The following CADM2 variants were observed in gnomAD, a reference collection of about 807,000 sequenced individuals.
CADM2 encodes immunoglobulin superfamily member 4D.
In CADM2, 12 loss-of-function variants were observed where a neutral mutation model predicts 49.8. The ratio of observed to expected loss-of-function variants is 0.24; its 90% CI spans 0.15 to 0.39. CADM2 has a LOEUF of 0.39. Among genes scored for constraint, CADM2 ranks in the 10% least tolerant of loss-of-function variants. CADM2 has a pLI of 1.00. For synonymous variants in CADM2, 214 were observed against 175.4 expected (o/e 1.22, Z -1.74); for missense variants, 378 against 492.3 (o/e 0.77, Z 2.20).
At chr3:85,206,295 T>A (rs2041631165) in intron 1 of CADM2, among the ~76,000 whole-genome samples, 1 of 145,284 alleles carries the variant, frequency 6.9e-6, no homozygotes, top group Non-Finnish European at 1.5e-5. Flanking sequence ...AATTTAGGTC[T>A]TTTTTTTTTT....
intron 1 of CADM2, among the ~76,000 whole-genome samples, chr3:85,173,871 C>G (rs1370919639): frequency 6.6e-6 from 1 of 152,068 alleles, no homozygotes; most frequent in Non-Finnish European, 1.5e-5. Context: ...ATGTCTAAAT[C>G]TATAGATAAA....
chr3:85,675,920 A>T (rs1292875755), intron 1 of CADM2, among the ~76,000 whole-genome samples: 2 of 152,206 alleles, frequency 1.3e-5, no homozygotes, highest in African/African-American at 4.8e-5. Flanking sequence ...ATTGGAAAAC[A>T]AAATAAAACT....
At chr3:85,003,788 G>A (rs966142305) in intron 1 of CADM2, among the ~76,000 whole-genome samples, 1 of 151,988 alleles carries the variant, frequency 6.6e-6, no homozygotes, top group African/African-American at 2.4e-5. Flanking sequence ...TATTTTTAAA[G>A]TATTAGTCCT....
At chr3:85,418,085 C>T (rs1352628397) in intron 1 of CADM2, among the ~76,000 whole-genome samples, 5 of 151,916 alleles carry the variant, frequency 3.3e-5, no homozygotes, top group East Asian at 1.9e-4. Flanking sequence ...TATCAAGCCT[C>T]GAACATCTCT....
chr3:85,012,497 A>C (rs1368421624), intron 1 of CADM2, among the ~76,000 whole-genome samples: 1 of 149,246 alleles, frequency 6.7e-6, no homozygotes, highest in African/African-American at 2.4e-5. Flanking sequence ...GTATATATTT[A>C]TAATATATTA....
chr3:84,991,430 C>T (rs2032878529), intron 1 of CADM2, among the ~76,000 whole-genome samples: 1 of 152,094 alleles, frequency 6.6e-6, no homozygotes, highest in Non-Finnish European at 1.5e-5. Flanking sequence ...GCCATTCTGT[C>T]TCTGTAAAGC....
intron 1 of CADM2, among the ~76,000 whole-genome samples, chr3:85,554,406 C>A (rs544749357): frequency 1.3e-5 from 2 of 151,942 alleles, no homozygotes; most frequent in Admixed American, 6.6e-5. Flanking sequence ...TACCGGTTGG[C>A]GGCACAAAGG....
At chr3:85,683,107 C>G (rs989349779) in intron 1 of CADM2, among the ~76,000 whole-genome samples, 3 of 151,774 alleles carry the variant, frequency 2.0e-5, no homozygotes, top group Non-Finnish European at 4.4e-5. Context: ...AAATAAAAAT[C>G]TTTTTTACTG....
chr3:85,473,621 G>A (rs1369725102), intron 1 of CADM2, among the ~76,000 whole-genome samples: 2 of 152,042 alleles, frequency 1.3e-5, no homozygotes, highest in Non-Finnish European at 2.9e-5. Flanking sequence ...ATCCTCAAAT[G>A]TTGGAGGAAC....
intron 1 of CADM2, among the ~76,000 whole-genome samples, chr3:85,020,159 T>C (rs781763433): frequency 1.3e-5 from 2 of 152,126 alleles, no homozygotes; most frequent in African/African-American, 2.4e-5. Flanking sequence ...TAATACTAGA[T>C]GAAATGGGAC....
At chr3:85,694,367 G>A (rs2066486374) in intron 1 of CADM2, among the ~76,000 whole-genome samples, 1 of 152,174 alleles carries the variant, frequency 6.6e-6, no homozygotes, top group African/African-American at 2.4e-5. Context: ...AATACACACA[G>A]AGAAAAGGCC....
At chr3:85,314,647 T>G (rs2044423380) in intron 1 of CADM2, among the ~76,000 whole-genome samples, 1 of 152,182 alleles carries the variant, frequency 6.6e-6, no homozygotes, top group Non-Finnish European at 1.5e-5. Context: ...ATGATACCTC[T>G]TACTCAATAA....
intron 1 of CADM2, among the ~76,000 whole-genome samples, chr3:85,571,875 C>T (rs948558057): frequency 6.6e-6 from 1 of 152,130 alleles, no homozygotes; most frequent in Non-Finnish European, 1.5e-5. Context: ...TGAAATGATC[C>T]CAAGATGCAG....
intron 1 of CADM2, among the ~76,000 whole-genome samples, chr3:85,269,160 T>G (rs1248068412): frequency 6.6e-6 from 1 of 151,408 alleles, no homozygotes; most frequent in East Asian, 1.9e-4. Flanking sequence ...GGAAACATTT[T>G]TAAAGACTGT....
intron 1 of CADM2, among the ~76,000 whole-genome samples, chr3:85,710,087 G>T (rs2067072092): frequency 6.6e-6 from 1 of 152,142 alleles, no homozygotes. Context: ...GGTCTAAAAA[G>T]TGGGATGAAC....
chr3:86,068,696 C>T lies in CADM2; in HGVS notation c.*1913C>T, dbSNP rs191161043. On this transcript the variant is annotated 3_prime_UTR_variant, in exon 10 of 10. Coordinates refer to ENST00000383699, the MANE Select transcript of CADM2 (RefSeq NM_001167675.2). ...TTGATTTCTTACAAAAGAAAAAGGA[C>T]GATGTCAGTCAAGCAGCACTTTTTC... 3.3e-5 allele frequency: 5 copies of T among 151,962 alleles called. No homozygotes were observed. The highest frequency in any genetic ancestry group is 7.3e-5 in the African/African-American group (3 of 41,306). The allele number at this position is 151,962 out of a possible 1,614,324, so 9.4% of individuals were successfully genotyped here. A position where few individuals can be genotyped will look rare whatever the true frequency, so the allele number is the denominator to read the frequency against.
chr3:85,009,058 GAT>G (rs1190088194), intron 1 of CADM2, among the ~76,000 whole-genome samples: 3 of 152,172 alleles, frequency 2.0e-5, no homozygotes, highest in African/African-American at 7.2e-5. Context: ...TATAGTGAGA[GAT>G]GTCTGCGCAG....
intron 3 of CADM2, among the ~76,000 whole-genome samples, chr3:85,859,324 G>A (rs1289551980): frequency 1.5e-4 from 21 of 137,160 alleles, no homozygotes; most frequent in African/African-American, 5.0e-4. Flanking sequence ...TCTGCCTCCC[G>A]GGTTCAAGCG....
intron 8 of CADM2, among the ~76,000 whole-genome samples, chr3:85,999,269 GT>G (rs764193091): frequency 0.025 from 3,549 of 140,374 alleles, 172 homozygotes; most frequent in African/African-American, 0.06. Context: ...GAGGCCGAGG[GT>G]TGGGGGGTGG....
Sources: gnomAD v4.1 joint callset for allele counts (sites outside exome capture counted in the v4.1 genomes callset) on GRCh38, gnomAD v4.1.1 for gene constraint, MANE v1.5 for transcripts, NCBI Gene and HGNC (gene_info 2026-07-23, HGNC 2026-07-21) for gene names.